Variants in IL1RAPL1 observed in about 807,000 individuals in gnomAD.
IL1RAPL1 encodes interleukin-1 receptor accessory protein-like 1.
In IL1RAPL1, 3 loss-of-function variants were observed where a neutral mutation model predicts 48.4. The ratio of observed to expected loss-of-function variants is 0.06; its 90% CI spans 0.03 to 0.16. The LOEUF is 0.16. Among genes scored for constraint, IL1RAPL1 ranks in the 10% least tolerant of loss-of-function variants. The probability of loss-of-function intolerance (pLI) is 1.00; values close to 1 mark genes in which losing one functional copy is unlikely to be tolerated. For missense variants in IL1RAPL1, 349 were observed against 530.6 expected (o/e 0.66, Z 3.36); for synonymous variants, 185 against 187.7 (o/e 0.99, Z 0.12).
chrX:28,773,149 C>T lies in IL1RAPL1; in HGVS notation c.-24-16171C>T, dbSNP rs149894488. ...AGTGCAGTGGTGTGATCATAGCACA[C>T]TGCAGCCTCGAACTCCTGGGCTCAA... On this transcript the variant is annotated intron_variant, in intron 1 of 10. Coordinates refer to ENST00000378993, the MANE Select transcript of IL1RAPL1 (RefSeq NM_014271.4). 4.9e-3 allele frequency among the ~76,000 whole-genome samples: 548 copies of T among 110,914 alleles called. 1 individual carries two copies. The highest frequency in any genetic ancestry group is 8.1e-3 in the Non-Finnish European group (430 of 53,003).
At chrX:29,758,185 G>A (rs936896167) in intron 6 of IL1RAPL1, among the ~76,000 whole-genome samples, 1 of 111,772 alleles carries the variant, frequency 8.9e-6, no homozygotes, top group Admixed American at 9.5e-5. Context: ...CTTTCTTCTG[G>A]CAGAAATACT....
At chrX:28,696,759 A>C (rs1280856565) in intron 1 of IL1RAPL1, among the ~76,000 whole-genome samples, 3 of 111,834 alleles carry the variant, frequency 2.7e-5, no homozygotes, top group Non-Finnish European at 5.7e-5. Context: ...CTGTCTAACT[A>C]AACAGACATA....
At chrX:29,601,977 G>C (rs1351758277) in intron 5 of IL1RAPL1, among the ~76,000 whole-genome samples, 3 of 111,514 alleles carry the variant, frequency 2.7e-5, no homozygotes, top group African/African-American at 6.5e-5. Flanking sequence ...TTGTTTTTTT[G>C]TTTGTTTGTT....
chrX:29,790,972 C>T (rs371300320), intron 6 of IL1RAPL1, among the ~76,000 whole-genome samples: 1 of 110,957 alleles, frequency 9.0e-6, no homozygotes, highest in Non-Finnish European at 1.9e-5. Context: ...CCTTTCGGGT[C>T]GCGTACCAAG....
At chrX:28,772,815 G>T (rs1936324179) in intron 1 of IL1RAPL1, among the ~76,000 whole-genome samples, 1 of 111,366 alleles carries the variant, frequency 9.0e-6, no homozygotes, top group Non-Finnish European at 1.9e-5. Flanking sequence ...CATTTCCATG[G>T]TCCAGCACTA....
chrX:29,587,343 G>A (rs1923206416), intron 5 of IL1RAPL1, among the ~76,000 whole-genome samples: 1 of 95,759 alleles, frequency 1.0e-5, no homozygotes, highest in African/African-American at 3.8e-5. Context: ...GAAACAGAGA[G>A]TAGAATGGTG....
intron 1 of IL1RAPL1, among the ~76,000 whole-genome samples, chrX:28,735,784 TA>T (rs371254148): frequency 2.1e-4 from 23 of 108,046 alleles, no homozygotes; most frequent in East Asian, 8.7e-4. Context: ...AGTATAAAAT[TA>T]AAAAAAAAAT....
intron 1 of IL1RAPL1, among the ~76,000 whole-genome samples, chrX:28,589,551 GC>G (rs771587357): frequency 5.6e-4 from 62 of 111,688 alleles, no homozygotes; most frequent in African/African-American, 2.0e-3. Flanking sequence ...TTTCAGAAGT[GC>G]CCCATTGAGT....
intron 3 of IL1RAPL1, among the ~76,000 whole-genome samples, chrX:29,349,749 G>A (rs1054198422): frequency 9.0e-6 from 1 of 110,637 alleles, no homozygotes; most frequent in African/African-American, 3.3e-5. Context: ...AAGCTCCTCT[G>A]ATGTTTTAAG....
chrX:28,721,470 G>A (rs1483432904), intron 1 of IL1RAPL1, among the ~76,000 whole-genome samples: 1 of 111,620 alleles, frequency 9.0e-6, no homozygotes, highest in Non-Finnish European at 1.9e-5. Context: ...ATTTGTTTGA[G>A]TTCTTTGTGG....
intron 5 of IL1RAPL1, among the ~76,000 whole-genome samples, chrX:29,435,691 G>T (rs1286848465): frequency 1.8e-5 from 2 of 110,556 alleles, no homozygotes; most frequent in Non-Finnish European, 3.8e-5. Context: ...AGTTGGCAAT[G>T]GTTCTCTATT....
intron 2 of IL1RAPL1, among the ~76,000 whole-genome samples, chrX:28,953,424 G>C (rs189548280): frequency 1.8e-5 from 2 of 111,581 alleles, no homozygotes; most frequent in African/African-American, 6.5e-5. Flanking sequence ...CACTTCTCCA[G>C]AGTAGTAGAT....
intron 2 of IL1RAPL1, among the ~76,000 whole-genome samples, chrX:29,265,428 A>G (rs1602142588): frequency 9.1e-6 from 1 of 110,228 alleles, no homozygotes; most frequent in African/African-American, 3.3e-5. Flanking sequence ...TAATGTTCAG[A>G]AAAAGATAAA....
chrX:29,484,301 A>G (rs1008625172), intron 5 of IL1RAPL1, among the ~76,000 whole-genome samples: 9 of 111,611 alleles, frequency 8.1e-5, no homozygotes, highest in Admixed American at 2.9e-4. Context: ...AGGGTATCAC[A>G]TGGTGACAGG....
intron 9 of IL1RAPL1, among the ~76,000 whole-genome samples, chrX:29,942,864 C>T (rs1358625706): frequency 9.0e-6 from 1 of 110,724 alleles, no homozygotes; most frequent in Non-Finnish European, 1.9e-5. Flanking sequence ...CAGGTGATCC[C>T]CCCATCTCGG....
At chrX:29,413,103 A>G (rs911046198) in intron 5 of IL1RAPL1, among the ~76,000 whole-genome samples, 19 of 111,068 alleles carry the variant, frequency 1.7e-4, no homozygotes, top group African/African-American at 5.2e-4. Flanking sequence ...GGTGATAGTG[A>G]GTAAGTCTCA....
At chrX:29,633,457 C>T (rs902127378) in intron 5 of IL1RAPL1, among the ~76,000 whole-genome samples, 9 of 91,357 alleles carry the variant, frequency 9.9e-5, no homozygotes, top group Middle Eastern at 5.3e-3. Context: ...GACAATTTAT[C>T]GATATATATA....
At chrX:29,150,694 A>C (rs1435879984) in intron 2 of IL1RAPL1, among the ~76,000 whole-genome samples, 1 of 108,322 alleles carries the variant, frequency 9.2e-6, no homozygotes, top group Non-Finnish European at 1.9e-5. Flanking sequence ...GAGGCTGAGG[A>C]GGGCAGATCA....
intron 1 of IL1RAPL1, among the ~76,000 whole-genome samples, chrX:28,635,127 A>G (rs937145348): frequency 8.9e-6 from 1 of 112,194 alleles, no homozygotes; most frequent in Non-Finnish European, 1.9e-5. Context: ...AATATCATCC[A>G]TCTCTCTTCA....
Sources: allele counts gnomAD v4.1 joint callset (sites outside exome capture counted in the v4.1 genomes callset), GRCh38; gene constraint gnomAD v4.1.1; transcripts MANE v1.5; gene names NCBI Gene and HGNC (gene_info 2026-07-23, HGNC 2026-07-21).